Variants in MIER3 observed in about 807,000 individuals in gnomAD.
MIER3 encodes mesoderm induction early response protein 3.
A neutral mutation model predicts 63.2 loss-of-function variants in MIER3; 9 were observed. The ratio of observed to expected loss-of-function variants is 0.14; its 90% confidence interval spans 0.09 to 0.25. The LOEUF (loss-of-function observed/expected upper bound fraction) is 0.25. Among genes scored for constraint, MIER3 ranks in the 10% least tolerant of loss-of-function variants. The pLI, the probability that MIER3 is intolerant of heterozygous loss-of-function variation, is 1.00. For missense variants in MIER3, 512 were observed against 666.2 expected (o/e 0.77, Z 2.55); for synonymous variants, 205 against 224.9 (o/e 0.91, Z 0.79).
intron 10 of MIER3, among the ~76,000 whole-genome samples, chr5:56,924,596 A>G (rs1194870189): frequency 6.6e-6 from 1 of 152,228 alleles, no homozygotes. Context: ...GGAATTTAAG[A>G]TGACTTGCTA....
intron 8 of MIER3, among the ~76,000 whole-genome samples, chr5:56,931,515 TAAAA>T (rs1489552630): frequency 6.6e-6 from 1 of 152,126 alleles, no homozygotes; most frequent in Non-Finnish European, 1.5e-5. Context: ...AATTTCAATT[TAAAA>T]AAATCAAATC....
intron 2 of MIER3, among the ~76,000 whole-genome samples, chr5:56,948,188 A>G (rs1367499637): frequency 2.0e-5 from 3 of 152,228 alleles, no homozygotes; most frequent in Non-Finnish European, 2.9e-5. Context: ...ATTTTTCACT[A>G]TGGAAAAACC....
At chr5:56,952,200 C>A (rs1254460678), upstream of MIER3, 2 of 1,028,218 alleles carry the variant, frequency 1.9e-6, no homozygotes, top group South Asian at 9.0e-5. Flanking sequence ...GCGGTCCGCC[C>A]GGCACCCGCC....
At position 56,922,236 on chromosome 5, in the gene MIER3, C is replaced by T. The variant is rs1182582104; in HGVS notation, c.*892G>A. 4 of 152,574 alleles carry T rather than the reference C, an allele frequency of 2.6e-5. No individual in the cohort carries two copies. The highest frequency in any genetic ancestry group is 5.9e-5 in the Non-Finnish European group (4 of 68,036). 9.5% of individuals were successfully genotyped at this position (152,574 alleles called of 1,614,324 possible). On this transcript the variant is annotated 3_prime_UTR_variant, in exon 13 of 13. Transcript: ENST00000381199. ...CTTTGTAGACTGTGCCTCTGCAAGT[C>T]GACTGCCTCAGGATAAACTAAATTA... is the stretch of plus-strand genomic sequence containing the variant.
rs761003419 is a variant in MIER3, at chr5:56,923,191, G to A, written c.1590C>T (p.Asn530=). ...SVADFGSLSA[N]ETNGFISAHA... Reference sequence around the variant, plus strand: ...GGGCACTGATGAAACCATTGGTCTCGTTGGCAGAGAGACTGCCAAAGTCAG... The same window carrying A: ...GGGCACTGATGAAACCATTGGTCTCATTGGCAGAGAGACTGCCAAAGTCAG... The change falls in exon 13 of 13, where the codon AAC becomes AAT. Residue 530 remains asparagine, a synonymous_variant. Coordinates refer to ENST00000381199, the MANE Select transcript of MIER3 (RefSeq NM_001297599.2). 16 of 1,614,086 alleles carry A rather than the reference G, an allele frequency of 9.9e-6. No homozygotes were observed. The highest frequency in any genetic ancestry group is 3.3e-5 in the Admixed American group (2 of 59,998).
At chr5:56,924,780 T>C (rs1749878808) in intron 10 of MIER3, among the ~76,000 whole-genome samples, 1 of 152,228 alleles carries the variant, frequency 6.6e-6, no homozygotes, top group African/African-American at 2.4e-5. Context: ...AAATTCTTCA[T>C]CCTTATCCAA....
intron 9 of MIER3, among the ~76,000 whole-genome samples, chr5:56,930,384 A>C (rs12655082): frequency 0.16 from 23,709 of 151,114 alleles, 2,527 homozygotes; most frequent in East Asian, 0.35. Context: ...CATTCTTTTT[A>C]ATTACTTTGG....
At position 56,922,804 on chromosome 5, in the gene MIER3, G is replaced by A; in HGVS notation, c.*324C>T. 4 of 278,124 alleles carry A rather than the reference G, an allele frequency of 1.4e-5. No homozygotes were observed. Among genetic ancestry groups the A allele is most frequent in the South Asian group, 5.4e-5 (1 of 18,598 alleles). 17.2% of individuals were successfully genotyped at this position (278,124 alleles called of 1,614,324 possible). On this transcript the variant is annotated 3_prime_UTR_variant, in exon 13 of 13. Coordinates refer to ENST00000381199, the MANE Select transcript of MIER3 (RefSeq NM_001297599.2). ...GTCTACAGGTTTTAAAATTGGGAGT[G>A]AGGGCAGTGGGGAACACAAAAGAAT...
At chr5:56,935,782 CT>C (rs1750421251) in intron 5 of MIER3, 31 bp from the exon 6 acceptor site, 11 of 1,560,146 alleles carry the variant, frequency 7.1e-6, no homozygotes, top group Non-Finnish European at 9.7e-6. Flanking sequence ...AAGGTTTTTA[CT>C]GCCTATTTTT....
intron 3 of MIER3, among the ~76,000 whole-genome samples, chr5:56,946,495 T>C (rs568390323): frequency 6.6e-6 from 1 of 152,168 alleles, no homozygotes; most frequent in Non-Finnish European, 1.5e-5. Flanking sequence ...TAAATCTTTT[T>C]CAATTTTCTT....
intron 10 of MIER3, among the ~76,000 whole-genome samples, chr5:56,925,860 T>C (rs1749948426): frequency 6.6e-6 from 1 of 151,720 alleles, no homozygotes. Flanking sequence ...AAAGCTATAG[T>C]AATCAAGACA....
At chr5:56,937,913 T>C (rs1367041367) in intron 4 of MIER3, among the ~76,000 whole-genome samples, 2 of 151,584 alleles carry the variant, frequency 1.3e-5, no homozygotes, top group African/African-American at 4.8e-5. Flanking sequence ...AGTGCAACCA[T>C]ATACTAAAAC....
At chr5:56,926,923 C>A (rs548652500) in intron 10 of MIER3, among the ~76,000 whole-genome samples, 1 of 152,146 alleles carries the variant, frequency 6.6e-6, no homozygotes, top group Non-Finnish European at 1.5e-5. Context: ...AAAACAAACA[C>A]AAACAAACAA....
intron 7 of MIER3, among the ~76,000 whole-genome samples, chr5:56,935,116 C>G (rs1032297474): frequency 1.3e-5 from 2 of 152,114 alleles, no homozygotes; most frequent in African/African-American, 2.4e-5. Context: ...ATCCTACCCA[C>G]TTCTACTGAA....
intron 3 of MIER3, chr5:56,940,882 G>T: frequency 2.7e-6 from 2 of 737,572 alleles, no homozygotes; most frequent in Non-Finnish European, 3.3e-6. Context: ...GGCTCATATT[G>T]GTTCTAATAC....
At chr5:56,933,047 A>G (rs1750326475) in intron 8 of MIER3, among the ~76,000 whole-genome samples, 200 bp downstream of exon 8, 1 of 152,216 alleles carries the variant, frequency 6.6e-6, no homozygotes, top group Non-Finnish European at 1.5e-5. Flanking sequence ...TTTTTTAAAG[A>G]CCAGAAGAAA....
At chr5:56,942,275 A>C in intron 3 of MIER3, among the ~76,000 whole-genome samples, 1 of 152,266 alleles carries the variant, frequency 6.6e-6, no homozygotes, top group South Asian at 2.1e-4. Flanking sequence ...CAGATGTATT[A>C]CACTATGGGC....
rs1292675688 is a variant in MIER3 at position 56,920,732 on chromosome 5, C to T, written c.*2396G>A. 6.6e-6 allele frequency: 1 copy of T among 152,016 alleles called. No homozygotes were observed. The highest frequency in any genetic ancestry group is 1.5e-5 in the Non-Finnish European group (1 of 67,898). 9.4% of individuals were successfully genotyped at this position (152,016 alleles called of 1,614,324 possible). A position where few individuals can be genotyped will look rare whatever the true frequency, so the allele number is the denominator to read the frequency against. ...ATTTATGAATGTCACATCAAGCATGCACAAAAATGGTATTATACATGGCAG... is the reference window on the plus strand; with the variant it reads ...ATTTATGAATGTCACATCAAGCATGTACAAAAATGGTATTATACATGGCAG... On this transcript the variant is annotated 3_prime_UTR_variant, in exon 13 of 13. Coordinates refer to ENST00000381199, the MANE Select transcript of MIER3 (RefSeq NM_001297599.2).
chr5:56,932,342 G>GT (rs1176362117), intron 8 of MIER3, among the ~76,000 whole-genome samples: 1 of 152,036 alleles, frequency 6.6e-6, no homozygotes, highest in African/African-American at 2.4e-5. Context: ...AGATATTGAG[G>GT]TATTACTGAG....
Sources: allele counts gnomAD v4.1 joint callset (sites outside exome capture counted in the v4.1 genomes callset), GRCh38; gene constraint gnomAD v4.1.1; transcripts MANE v1.5; gene names NCBI Gene and HGNC (gene_info 2026-07-23, HGNC 2026-07-21).